Variants in PEX7 observed in about 807,000 individuals in gnomAD.
PEX7 encodes peroxisomal biogenesis factor 7.
A neutral mutation model predicts 47.5 loss-of-function variants in PEX7; 34 were observed. That is an observed-to-expected ratio of 0.72 (90% CI 0.54 to 0.95). The LOEUF is 0.95. PEX7 is among the 40% of genes least tolerant of loss of function. The pLI, the probability that PEX7 is intolerant of heterozygous loss-of-function variation, is 0.00. For missense variants in PEX7, 394 were observed against 400.3 expected, an observed-to-expected ratio of 0.98 and a Z score of 0.13; for synonymous variants, 141 against 148.8, an observed-to-expected ratio of 0.95 and a Z score of 0.38.
chr6:136,837,496 A>T (rs1314276202), intron 3 of PEX7, among the ~76,000 whole-genome samples: 1 of 152,212 alleles, frequency 6.6e-6, no homozygotes, highest in South Asian at 2.1e-4. Flanking sequence ...GTCTAAAAAA[A>T]GTACATATTT....
In PEX7 at chr6:136,855,978, C is replaced by A. The variant is rs138747329; in HGVS notation, c.526+9797C>A. On this transcript the variant is annotated intron_variant, in intron 5 of 9. Coordinates refer to ENST00000318471, the MANE Select transcript of PEX7 (RefSeq NM_000288.4). The stretch of plus-strand genomic sequence containing the variant: ...CCCTTCATTTGAGCTGAGTCACACA[C>A]CTCTTCTTTTTACATTGGTCTTTGT... The A allele has an allele frequency of 1.8e-3, 361 of 195,934 alleles. 2 individuals are homozygous for A. The highest frequency in any genetic ancestry group is 3.1e-3 in the Non-Finnish European group (294 of 96,342). The allele number at this position is 195,934 out of a possible 1,614,324, so 12.1% of individuals were successfully genotyped here. A position where few individuals can be genotyped will look rare whatever the true frequency, so the allele number is the denominator to read the frequency against.
chr6:136,846,530 T>A (rs932403750), intron 5 of PEX7, among the ~76,000 whole-genome samples: 1 of 151,960 alleles, frequency 6.6e-6, no homozygotes, highest in Non-Finnish European at 1.5e-5. Flanking sequence ...TGTGTGATGT[T>A]CCCCATCCTG....
At chr6:136,867,471 C>T (rs9321578) in intron 6 of PEX7, among the ~76,000 whole-genome samples, 97,078 of 151,280 alleles carry the variant, frequency 0.64, 31,216 homozygotes, top group African/African-American at 0.7. Flanking sequence ...AATATGTGTG[C>T]GTCTCAGTTT....
chr6:136,824,069 C>G (rs913186498), intron 1 of PEX7, among the ~76,000 whole-genome samples: 3 of 152,172 alleles, frequency 2.0e-5, no homozygotes, highest in Non-Finnish European at 4.4e-5. Flanking sequence ...AAAAATGTTA[C>G]TTCTAAAACT....
chr6:136,876,495 C>T (rs1213802800), intron 8 of PEX7, among the ~76,000 whole-genome samples: 11 of 152,124 alleles, frequency 7.2e-5, no homozygotes, highest in Admixed American at 6.5e-4. Context: ...CTCTAGTCCC[C>T]CACCCCCCAA....
chr6:136,905,837 G>A (rs550221338), intron 9 of PEX7, among the ~76,000 whole-genome samples: 1 of 152,208 alleles, frequency 6.6e-6, no homozygotes, highest in South Asian at 2.1e-4. Context: ...TTCCTAACCT[G>A]GTCAGTTGAT....
At chr6:136,824,173 C>G (rs978341724) in intron 1 of PEX7, among the ~76,000 whole-genome samples, 1 of 152,160 alleles carries the variant, frequency 6.6e-6, no homozygotes, top group African/African-American at 2.4e-5. Flanking sequence ...ACTCATGAGT[C>G]TATAATGGTA....
intron 4 of PEX7, 88 bp from the exon 5 acceptor site, chr6:136,845,985 G>A (rs947820103): frequency 2.0e-5 from 15 of 765,556 alleles, no homozygotes; most frequent in African/African-American, 1.9e-4. Flanking sequence ...ATATATAAAT[G>A]TATATAGTTT....
chr6:136,893,782 T>G (rs1211949328), intron 8 of PEX7, among the ~76,000 whole-genome samples: 1 of 152,226 alleles, frequency 6.6e-6, no homozygotes, highest in African/African-American at 2.4e-5. Context: ...TGTAAGACAT[T>G]GAAAAATAGC....
In PEX7 at chr6:136,876,002, C is replaced by CT. The variant is rs200185764; in HGVS notation, c.803+3758dup. Reference sequence around the variant, plus strand: ...TTTCCAGATATGCTTTTCCCCATACCTTTTTTTTTGTTTTATCATATTTTC... The same window carrying CT: ...TTTCCAGATATGCTTTTCCCCATACCTTTTTTTTTTGTTTTATCATATTTTC... On this transcript the variant is annotated intron_variant, in intron 8 of 9. Transcript: ENST00000318471. Among the ~76,000 whole-genome samples, 220 of 150,714 alleles carry CT rather than the reference C, an allele frequency of 1.5e-3. 1 individual carries two copies. The highest frequency in any genetic ancestry group is 8.8e-3 in the East Asian group (45 of 5,102).
intron 3 of PEX7, among the ~76,000 whole-genome samples, chr6:136,830,786 CTAA>C (rs1362530312): frequency 6.6e-6 from 1 of 152,124 alleles, no homozygotes; most frequent in African/African-American, 2.4e-5. Context: ...AATTTTCAGA[CTAA>C]TGAGTTGGCT....
At chr6:136,834,426 A>G (rs1774350680) in intron 3 of PEX7, among the ~76,000 whole-genome samples, 1 of 152,228 alleles carries the variant, frequency 6.6e-6, no homozygotes, top group Admixed American at 6.5e-5. Context: ...CATGTTGCCC[A>G]GGCTGGTCTG....
At chr6:136,887,376 C>T (rs556817945) in intron 8 of PEX7, among the ~76,000 whole-genome samples, 2 of 152,160 alleles carry the variant, frequency 1.3e-5, no homozygotes, top group South Asian at 2.1e-4. Flanking sequence ...ATTTAAATAT[C>T]AATATATGCA....
At chr6:136,837,035 C>T (rs964978593) in intron 3 of PEX7, among the ~76,000 whole-genome samples, 2 of 151,738 alleles carry the variant, frequency 1.3e-5, no homozygotes, top group African/African-American at 2.4e-5. Context: ...CTCATATGTA[C>T]CTTGTAGGAT....
In PEX7 at chr6:136,900,657, A is replaced by G. The variant is rs1468901799; in HGVS notation, c.903+2416A>G. 3.0e-6 allele frequency: 1 copy of G among 335,868 alleles called. No individual in the cohort carries two copies. The highest frequency in any genetic ancestry group is 5.8e-6 in the Non-Finnish European group (1 of 173,898). The allele number at this position is 335,868 out of a possible 1,614,324, so 20.8% of individuals were successfully genotyped here. A position where few individuals can be genotyped will look rare whatever the true frequency, so the allele number is the denominator to read the frequency against. ...GGACCCCCATTTTATGAGACAGGGC[A>G]GGCAGGAAGACAACCAGCTTGATGG... On this transcript the variant is annotated intron_variant, in intron 9 of 9. Coordinates refer to ENST00000318471, the MANE Select transcript of PEX7 (RefSeq NM_000288.4). This position sits in a 1 kb window ranked among gnomAD's most constrained non-coding sequence, Gnocchi z 4.2.
chr6:136,834,573 G>A (rs983313415), intron 3 of PEX7, among the ~76,000 whole-genome samples: 2 of 152,240 alleles, frequency 1.3e-5, no homozygotes, highest in African/African-American at 4.8e-5. Flanking sequence ...TTGTGAAAGA[G>A]CGTGGCATGT....
At position 136,900,696 on chromosome 6, in the gene PEX7, T is replaced by TGCAGTCACC. The variant is rs1775738687; in HGVS notation, c.903+2458_903+2466dup. The TGCAGTCACC allele has an allele frequency of 5.8e-6, 2 of 346,248 alleles. No homozygotes were observed. The highest frequency in any genetic ancestry group is 3.7e-5 in the Admixed American group (1 of 27,290). 21.4% of individuals were successfully genotyped at this position (346,248 alleles called of 1,614,324 possible). ...CCAGCTTGATGGGATCCACGTCATG[T>TGCAGTCACC]GCAGTCACCGCCAGCTGAGCCTTCT... On this transcript the variant is annotated intron_variant, in intron 9 of 9. Transcript: ENST00000318471. This position sits in a 1 kb window ranked among gnomAD's most constrained non-coding sequence, Gnocchi z 4.2.
intron 8 of PEX7, among the ~76,000 whole-genome samples, chr6:136,877,946 T>C (rs562356252): frequency 5.3e-5 from 8 of 152,294 alleles, no homozygotes; most frequent in African/African-American, 1.4e-4. Context: ...GCATGGATTG[T>C]TTTTCCATTT....
chr6:136,826,577 C>T lies in PEX7; in HGVS notation c.339+108C>T, dbSNP rs78990055. 53,379 of 1,296,376 alleles carry T rather than the reference C, an allele frequency of 0.041. 1,364 individuals are homozygous for T. The highest frequency in any genetic ancestry group is 0.051 in the Non-Finnish European group (46,376 of 909,348). The allele number at this position is 1,296,376 out of a possible 1,614,324, so 80.3% of individuals were successfully genotyped here. On this transcript the variant is annotated intron_variant, in intron 3 of 9. Transcript: ENST00000318471. ...AATATCTTCAGGGGACAAGTTTAAA[C>T]GTTAGCATTTCTTATACATACTAGA...
Sources: gnomAD v4.1 joint callset for allele counts (sites outside exome capture counted in the v4.1 genomes callset) on GRCh38, gnomAD v4.1.1 for gene constraint, Gnocchi (gnomAD v3.1) non-coding constraint, MANE v1.5 for transcripts, NCBI Gene and HGNC (gene_info 2026-07-23, HGNC 2026-07-21) for gene names.